Variants in MAP4K3 observed in about 807,000 individuals in gnomAD.
MAP4K3 encodes MAPK/ERK kinase kinase kinase 3.
A neutral mutation model predicts 143.5 loss-of-function variants in MAP4K3; 94 were observed. The observed-to-expected ratio is 0.65, with a 90% CI of 0.55 to 0.78. MAP4K3 has a LOEUF of 0.78. Among genes scored for constraint, MAP4K3 ranks in the 30% least tolerant of loss-of-function variants. The pLI, the probability that MAP4K3 is intolerant of heterozygous loss-of-function variation, is 0.00. For synonymous variants in MAP4K3, 416 were observed against 347.2 expected, an observed-to-expected ratio of 1.20 and a Z score of -2.20; for missense variants, 1,077 against 1,068.1, an observed-to-expected ratio of 1.01 and a Z score of -0.12.
Position 39,325,723 on chromosome 2 carries a change from A to AT in MAP4K3, c.807+6dup. On this transcript the variant is annotated splice_region_variant and intron_variant, in intron 11 of 33. Coordinates refer to ENST00000263881, the MANE Select transcript of MAP4K3 (RefSeq NM_003618.4). Reference sequence around the variant, plus strand: ...TATATATATATATTTCAGGGCAAAAATAATACCTGTAATAATTTTTCAGCA... The same window carrying AT: ...TATATATATATATTTCAGGGCAAAAATTAATACCTGTAATAATTTTTCAGCA... The AT allele has an allele frequency of 6.3e-7, 1 of 1,599,024 alleles. No homozygotes were observed. The highest frequency in any genetic ancestry group is 8.5e-7 in the Non-Finnish European group (1 of 1,170,920).
chr2:39,318,663 AT>A (rs1394301689), intron 12 of MAP4K3, among the ~76,000 whole-genome samples: 2 of 151,856 alleles, frequency 1.3e-5, no homozygotes, highest in Admixed American at 1.3e-4. Context: ...CATGGTGTCT[AT>A]TTTTTTTAAA....
intron 33 of MAP4K3, among the ~76,000 whole-genome samples, chr2:39,251,234 T>C (rs1680145864): frequency 1.3e-5 from 2 of 152,178 alleles, no homozygotes; most frequent in South Asian, 4.1e-4. Context: ...TACTTGTGGG[T>C]AATTTATCAG....
At chr2:39,384,302 T>C (rs527493370) in intron 1 of MAP4K3, among the ~76,000 whole-genome samples, 1 of 152,140 alleles carries the variant, frequency 6.6e-6, no homozygotes, top group South Asian at 2.1e-4. Flanking sequence ...CCTCAGCACT[T>C]TGGGAGGCCG....
At position 39,415,980 on chromosome 2, in the gene MAP4K3, A is replaced by AAAAATATATATAT. The variant is rs1553318573; in HGVS notation, c.96+20911_96+20912insATATATATATTTT. Among the ~76,000 whole-genome samples, 19 of 14,748 alleles carry AAAAATATATATAT rather than the reference A, an allele frequency of 1.3e-3. 1 individual carries two copies. Among genetic ancestry groups the AAAAATATATATAT allele is most frequent in the East Asian group, 2.5e-3 (1 of 394 alleles). The allele number at this position is 14,748 out of a possible 152,430, so 9.7% of individuals were successfully genotyped here. A position where few individuals can be genotyped will look rare whatever the true frequency, so the allele number is the denominator to read the frequency against. ...AAAAAAAAAAAAAAAAAAAAAAAAA[A>AAAAATATATATAT]ATATATATATATATATATATATATA... On this transcript the variant is annotated intron_variant, in intron 1 of 33. Coordinates refer to ENST00000263881, the MANE Select transcript of MAP4K3 (RefSeq NM_003618.4).
In MAP4K3 at chr2:39,391,874, G is replaced by T. The variant is rs1056596413; in HGVS notation, c.97-13751C>A. On this transcript the variant is annotated intron_variant, in intron 1 of 33. Transcript: ENST00000263881. ...TCTCGCTGGTACAAAAAGTCTCCTGGACATCACTGATTAAAATGTGAAAAT... is the reference window on the plus strand; with the variant it reads ...TCTCGCTGGTACAAAAAGTCTCCTGTACATCACTGATTAAAATGTGAAAAT... Among the ~76,000 whole-genome samples, 8 of 152,024 alleles carry T rather than the reference G, an allele frequency of 5.3e-5. No homozygotes were observed. The East Asian group carries it at 1.5e-3, about 29-fold the overall frequency.
intron 1 of MAP4K3, among the ~76,000 whole-genome samples, chr2:39,389,881 CAAT>C (rs1042118754): frequency 3.9e-5 from 6 of 151,930 alleles, no homozygotes; most frequent in African/African-American, 1.5e-4. Context: ...TGTAAAAAAA[CAAT>C]AATGTCTATG....
chr2:39,263,318 G>A (rs1438989888), intron 28 of MAP4K3, among the ~76,000 whole-genome samples: 1 of 149,520 alleles, frequency 6.7e-6, no homozygotes, highest in Non-Finnish European at 1.5e-5. Context: ...TGTGGCCCAG[G>A]CGGGAGTGCA....
At chr2:39,291,088 C>A (rs1573103876) in intron 18 of MAP4K3, among the ~76,000 whole-genome samples, 1 of 152,038 alleles carries the variant, frequency 6.6e-6, no homozygotes, top group Non-Finnish European at 1.5e-5. Flanking sequence ...AAACAAAAAA[C>A]CAATAATGTG....
At chr2:39,358,764 G>A (rs545035069) in intron 2 of MAP4K3, among the ~76,000 whole-genome samples, 3 of 152,252 alleles carry the variant, frequency 2.0e-5, no homozygotes, top group East Asian at 3.9e-4. Context: ...TTTGTTCAAG[G>A]CTCATGAGAA....
chr2:39,257,728 G>C (rs1680402399), intron 31 of MAP4K3, among the ~76,000 whole-genome samples: 1 of 150,296 alleles, frequency 6.7e-6, no homozygotes, highest in Admixed American at 6.6e-5. Flanking sequence ...GAATCCGGGA[G>C]GCAGAGGTTG....
intron 1 of MAP4K3, among the ~76,000 whole-genome samples, chr2:39,399,370 C>T (rs1254642504): frequency 2.0e-5 from 3 of 152,164 alleles, no homozygotes; most frequent in Admixed American, 1.3e-4. Context: ...AACTGGTAGG[C>T]TTAAGGTAGT....
intron 5 of MAP4K3, 132 bp downstream of exon 5, chr2:39,337,384 CAATTTTCAAA>C: frequency 3.7e-6 from 2 of 538,940 alleles, no homozygotes; most frequent in South Asian, 6.8e-5. Context: ...GTTCATTACA[CAATTTTCAAA>C]TGTATTAAAA....
chr2:39,268,576 C>A (rs954496528), intron 26 of MAP4K3, among the ~76,000 whole-genome samples: 2 of 149,248 alleles, frequency 1.3e-5, no homozygotes, highest in African/African-American at 4.9e-5. Flanking sequence ...CCGCCTCGGA[C>A]TCCCAAAGTG....
At chr2:39,351,969 C>G (rs1573186592) in intron 3 of MAP4K3, among the ~76,000 whole-genome samples, 1 of 152,184 alleles carries the variant, frequency 6.6e-6, no homozygotes. Context: ...CCGCACCCAG[C>G]CCAAAAGTTT....
intron 1 of MAP4K3, among the ~76,000 whole-genome samples, chr2:39,391,532 T>G (rs1007782623): frequency 3.9e-5 from 6 of 152,098 alleles, no homozygotes; most frequent in Non-Finnish European, 5.9e-5. Flanking sequence ...TAAGGACCCC[T>G]AAAAGCTCCC....
At chr2:39,288,078 A>G (rs758286179) in intron 20 of MAP4K3, 43 bp downstream of exon 20, 2 of 1,609,286 alleles carry the variant, frequency 1.2e-6, no homozygotes, top group East Asian at 4.5e-5. Context: ...TCCCCATAGT[A>G]TGAAAACCTG....
At chr2:39,399,722 C>T (rs934064243) in intron 1 of MAP4K3, among the ~76,000 whole-genome samples, 1 of 152,158 alleles carries the variant, frequency 6.6e-6, no homozygotes, top group Non-Finnish European at 1.5e-5. Context: ...TAAGTCACAG[C>T]CATATCACTC....
intron 1 of MAP4K3, among the ~76,000 whole-genome samples, chr2:39,390,997 G>A (rs903165910): frequency 1.3e-5 from 2 of 152,062 alleles, no homozygotes; most frequent in African/African-American, 4.8e-5. Context: ...CAGCAGAATA[G>A]TACTTCTGAA....
At chr2:39,253,125 C>T (rs1014419303) in intron 32 of MAP4K3, among the ~76,000 whole-genome samples, 7 of 152,164 alleles carry the variant, frequency 4.6e-5, no homozygotes, top group Non-Finnish European at 1.0e-4. Flanking sequence ...TTAGAAACAT[C>T]GTAGCAGCCA....
Sources: gnomAD v4.1 joint callset for allele counts (sites outside exome capture counted in the v4.1 genomes callset) on GRCh38, gnomAD v4.1.1 for gene constraint, MANE v1.5 for transcripts, NCBI Gene and HGNC (gene_info 2026-07-23, HGNC 2026-07-21) for gene names.